The following LMF2 variants were observed in gnomAD, a reference collection of about 807,000 sequenced individuals.
LMF2 encodes the protein transmembrane protein 112B.
Under a neutral mutation model 81.5 loss-of-function variants are expected in LMF2, and 113 were observed. The observed-to-expected ratio is 1.39, with a 90% confidence interval of 1.19 to 1.62. The LOEUF (loss-of-function observed/expected upper bound fraction) is 1.62. Among genes scored for constraint, LMF2 ranks in the 40% most tolerant of loss-of-function variants. LMF2 has a pLI of 0.00. For missense variants in LMF2, 1,235 were observed against 929.1 expected, an observed-to-expected ratio of 1.33 and a Z score of -4.28; for synonymous variants, 645 against 424.5, an observed-to-expected ratio of 1.52 and a Z score of -6.39.
Position 50,503,202 on chromosome 22 carries a change from G to A in LMF2, c.*189C>T. The A allele has an allele frequency of 5.3e-6, 3 of 567,076 alleles. No homozygotes were observed. The highest frequency in any genetic ancestry group is 4.5e-4 in the Middle Eastern group (1 of 2,212). The allele number at this position is 567,076 out of a possible 1,614,324, so 35.1% of individuals were successfully genotyped here. A position where few individuals can be genotyped will look rare whatever the true frequency, so the allele number is the denominator to read the frequency against. On this transcript the variant is annotated 3_prime_UTR_variant, in exon 14 of 14. Transcript: ENST00000474879. ...GCAATAGTGGGAGTCCTGGGGAGGG[G>A]CATGGCTGGCGTGGGGGTGGGGCCT...
Position 50,505,586 on chromosome 22 carries a change from G to C in LMF2, c.917-49C>G, listed in dbSNP as rs560502663. On this transcript the variant is annotated intron_variant, in intron 6 of 13. Coordinates refer to ENST00000474879, the MANE Select transcript of LMF2 (RefSeq NM_033200.3). ...TCAGCAGAGGGTCCCCAGCCAGGGG[G>C]CTGGGGTGCAGCTAGAGTGGGAGTC... 7 of 1,611,722 alleles carry C rather than the reference G, an allele frequency of 4.3e-6. No individual in the cohort carries two copies. The South Asian group carries it at 4.4e-5, about 10-fold the overall frequency.
Position 50,505,083 on chromosome 22 carries a change from T to TAC in LMF2, c.1227_1228insGT (p.Thr410ValfsTer7). ...AGGCTAATCAGGAACAAGGCCACGGTCGCAGTGCCCACAAGGGACAGTTGG... is the reference window on the plus strand; with the variant it reads ...AGGCTAATCAGGAACAAGGCCACGGTACCGCAGTGCCCACAAGGGACAGTTGG... On this transcript the variant is annotated frameshift_variant, in exon 9 of 14. Coordinates refer to ENST00000474879, the MANE Select transcript of LMF2 (RefSeq NM_033200.3). LOFTEE classifies it high-confidence loss of function. 1 of 1,612,910 alleles carries TAC rather than the reference T, an allele frequency of 6.2e-7. No individual in the cohort carries two copies. The highest frequency in any genetic ancestry group is 8.5e-7 in the Non-Finnish European group (1 of 1,179,982).
chr22:50,506,004 CCT>C (rs750945438), intron 5 of LMF2, 29 bp downstream of exon 5: 4 of 1,568,906 alleles, frequency 2.5e-6, no homozygotes, highest in East Asian at 2.3e-5. Flanking sequence ...GCCCTGTCTG[CCT>C]CTCTCTGACA....
rs574707642 is a variant in LMF2 at position 50,506,458 on chromosome 22, G to A, written c.422C>T (p.Ala141Val). 3.2e-6 allele frequency: 5 copies of A among 1,551,516 alleles called. No individual in the cohort carries two copies. Among genetic ancestry groups the A allele is most frequent in the East Asian group, 2.4e-5 (1 of 41,652 alleles). The stretch of plus-strand genomic sequence containing the variant: ...GCGGTGGGAGGCTGGCCTCAGCGGG[G>A]CCACCAGCACGGCCAGGAAGCCAGT... ...LETGFLAVLV[A>V]PLRPASHRKE... is the part of the protein sequence containing the mutation. The change falls in exon 4 of 14, where the codon GCC becomes GTC. Residue 141 changes from alanine (A) to valine (V), a missense_variant. By Grantham distance (64) the Ala-to-Val change is moderately conservative (BLOSUM62 0). Coordinates refer to ENST00000474879, the MANE Select transcript of LMF2 (RefSeq NM_033200.3).
rs757401528 is a variant in LMF2, at chr22:50,503,672, C to A, written c.1843G>T (p.Ala615Ser). Residue 615 changes from alanine to serine, a missense_variant, in exon 14 of 14, where the codon GCC becomes TCC. By Grantham distance (99) the Ala-to-Ser change is moderately conservative. Coordinates refer to ENST00000474879, the MANE Select transcript of LMF2 (RefSeq NM_033200.3). ...QEKSPPRTRS[A>S]NSTLAQALHW... ...AGGGCCTGGGCCAGGGTGCTGTTGG[C>A]GCTGCGGGTGCGAGGTGGGCTTTTC... The A allele has an allele frequency of 7.5e-7, 1 of 1,325,600 alleles. No individual in the cohort carries two copies. The highest frequency in any genetic ancestry group is 4.8e-5 in the East Asian group (1 of 20,830). The allele number at this position is 1,325,600 out of a possible 1,614,324, so 82.1% of individuals were successfully genotyped here.
In LMF2 at chr22:50,504,862, A is replaced by C; in HGVS notation, c.1377T>G (p.Thr459=). Residue 459 remains threonine (T), a synonymous_variant, in exon 10 of 14, where the codon ACT becomes ACG. Coordinates refer to ENST00000474879, the MANE Select transcript of LMF2 (RefSeq NM_033200.3). Reference sequence around the variant, plus strand: ...CCACCTCAGGCCGTCCACCAAGCCCAGTCATGCGGCGGAAGAGGCCGTAGG... The same window carrying C: ...CCACCTCAGGCCGTCCACCAAGCCCCGTCATGCGGCGGAAGAGGCCGTAGG... ...ANSYGLFRRM[T]GLGGRPEVVL... 1.2e-6 allele frequency: 2 copies of C among 1,611,286 alleles called. No individual in the cohort carries two copies. Among genetic ancestry groups the C allele is most frequent in the Non-Finnish European group, 1.7e-6 (2 of 1,179,046 alleles).
Position 50,503,434 on chromosome 22 carries a change from T to C in LMF2, c.2081A>G (p.Asn694Ser), listed in dbSNP as rs1262598476. 2 of 1,608,060 alleles carry C rather than the reference T, an allele frequency of 1.2e-6. No individual in the cohort carries two copies. Among genetic ancestry groups the C allele is most frequent in the Non-Finnish European group, 1.7e-6 (2 of 1,178,422 alleles). Residue 694 changes from asparagine to serine, a missense_variant, in exon 14 of 14, where the codon AAC (asparagine) becomes AGC (serine). Transcript: ENST00000474879. Reference protein sequence around the residue: ...AASEQATAAPNPCSSSSRTTR... With the variant: ...AASEQATAAPSPCSSSSRTTR... ...GGTCCTCGAACTACTGGAGCAGGGG[T>C]TGGGGGCTGCGGTGGCCTGTTCGGA...
chr22:50,503,984 C>T, intron 12 of LMF2, 80 bp from the exon 13 acceptor site: 4 of 1,213,696 alleles, frequency 3.3e-6, no homozygotes, highest in Non-Finnish European at 4.7e-6. Flanking sequence ...CTTACCCCTG[C>T]TCCTCAGCTC....
rs2068504174 is a variant in LMF2, at chr22:50,504,577, G to A, written c.1588C>T (p.Leu530=). Residue 530 remains leucine, a synonymous_variant, in exon 11 of 14, where the codon CTG becomes TTG. Transcript: ENST00000474879. Reference sequence around the variant, plus strand: ...TCCGCACCTGGCTCCTTGCCCTGCAGCAGGCGCAAGACCAGGCTTGTGAAC... The same window carrying A: ...TCCGCACCTGGCTCCTTGCCCTGCAACAGGCGCAAGACCAGGCTTGTGAAC... ...PWFTSLVLRL[L]QGKEPVIRLV... 3 of 1,588,180 alleles carry A rather than the reference G, an allele frequency of 1.9e-6. No homozygotes were observed. Among genetic ancestry groups the A allele is most frequent in the African/African-American group, 1.4e-5 (1 of 73,968 alleles).
intron 1 of LMF2, 173 bp from the exon 2 acceptor site, chr22:50,507,208 A>C: frequency 9.0e-7 from 1 of 1,112,536 alleles, no homozygotes; most frequent in Non-Finnish European, 1.2e-6. Flanking sequence ...ACCTGTCAAA[A>C]CCCCGTCCCA....
At position 50,507,148 on chromosome 22, in the gene LMF2, T is replaced by G. The variant is rs2068607945; in HGVS notation, c.95-113A>C. 23 of 1,444,348 alleles carry G rather than the reference T, an allele frequency of 1.6e-5. No homozygotes were observed. In the South Asian group the frequency reaches 3.2e-4, roughly 20 times the overall value. The allele number at this position is 1,444,348 out of a possible 1,614,324, so 89.5% of individuals were successfully genotyped here. On this transcript the variant is annotated intron_variant, in intron 1 of 13. Transcript: ENST00000474879. ...AGGTCAGAGCATGCGGATACCTCCA[T>G]CCCTAGGTCAGAGTCTGCAGTCCCT...
At chr22:50,504,057 AC>A (rs1463955728) in intron 12 of LMF2, among the ~76,000 whole-genome samples, 153 bp from the exon 13 acceptor site, 4 of 10,952 alleles carry the variant, frequency 3.7e-4, no homozygotes, top group East Asian at 3.3e-3. Context: ...TCCACACCCC[AC>A]CCGGTGCCCG....
chr22:50,505,775 T>C lies in LMF2; in HGVS notation c.815A>G (p.Asn272Ser), dbSNP rs138590459. Residue 272 changes from asparagine (N) to serine (S), a missense_variant, in exon 6 of 14, where the codon AAC (asparagine) becomes AGC (serine). Asn to Ser is a conservative substitution (Grantham distance 46, BLOSUM62 1). Transcript: ENST00000474879. Reference sequence around the variant, plus strand: ...CACCAGCGTCATCAGGTTGAAGAAGTTGTAGTTGCCGGTGATGATAATCAG... The same window carrying C: ...CACCAGCGTCATCAGGTTGAAGAAGCTGTAGTTGCCGGTGATGATAATCAG... The part of the protein sequence containing the change: ...QVLIIITGNY[N>S]FFNLMTLVLT... 24 of 1,613,030 alleles carry C rather than the reference T, an allele frequency of 1.5e-5. No homozygotes were observed. Among genetic ancestry groups the C allele is most frequent in the East Asian group, 1.1e-4 (5 of 44,878 alleles).
In LMF2 at chr22:50,503,224, G is replaced by A. The variant is rs1380122616; in HGVS notation, c.*167C>T. 1 of 638,322 alleles carries A rather than the reference G, an allele frequency of 1.6e-6. No individual in the cohort carries two copies. The highest frequency in any genetic ancestry group is 2.6e-6 in the Non-Finnish European group (1 of 387,298). The allele number at this position is 638,322 out of a possible 1,614,324, so 39.5% of individuals were successfully genotyped here. A position where few individuals can be genotyped will look rare whatever the true frequency, so the allele number is the denominator to read the frequency against. On this transcript the variant is annotated 3_prime_UTR_variant, in exon 14 of 14. Transcript: ENST00000474879. Reference sequence around the variant, plus strand: ...GGGGCATGGCTGGCGTGGGGGTGGGGCCTGGAGCCCTCAATGCAGCACCCT... The same window carrying A: ...GGGGCATGGCTGGCGTGGGGGTGGGACCTGGAGCCCTCAATGCAGCACCCT...
rs1268178626 is a variant in LMF2 at position 50,507,694 on chromosome 22, T to C, written c.-19A>G. 6.5e-7 allele frequency: 1 copy of C among 1,541,198 alleles called. No individual in the cohort carries two copies. ...CCGCCATGTCCGCTACGCGGCCCGC[T>C]AGAGCAGGGCCCGCCCTCCGCGTCC... On this transcript the variant is annotated 5_prime_UTR_variant, in exon 1 of 14. Coordinates refer to ENST00000474879, the MANE Select transcript of LMF2 (RefSeq NM_033200.3).
chr22:50,505,620 G>A (rs2068540681), intron 6 of LMF2, 54 bp downstream of exon 6: 1 of 1,611,214 alleles, frequency 6.2e-7, no homozygotes, highest in East Asian at 2.2e-5. Flanking sequence ...TCCTGTGGGG[G>A]TGTTGGAGGG....
Position 50,504,332 on chromosome 22 carries a change from A to G in LMF2, c.1718+8T>C, listed in dbSNP as rs60021445. ...GGGCTCCACACCCCACCCGGTGCCC[A>G]GCCTTACCCCTGCTCCCCAGGCTGG... On this transcript the variant is annotated splice_region_variant and intron_variant, in intron 12 of 13. Coordinates refer to ENST00000474879, the MANE Select transcript of LMF2 (RefSeq NM_033200.3). 0.17 allele frequency: 225,519 copies of G among 1,359,028 alleles called. 25,784 individuals are homozygous for G. The highest frequency in any genetic ancestry group is 0.23 in the Middle Eastern group (1,062 of 4,548). 84.2% of individuals were successfully genotyped at this position (1,359,028 alleles called of 1,614,324 possible). A position where few individuals can be genotyped will look rare whatever the true frequency, so the allele number is the denominator to read the frequency against.
Position 50,505,663 on chromosome 22 carries a change from G to A in LMF2, c.916+11C>T, listed in dbSNP as rs1390591258. On this transcript the variant is annotated intron_variant, in intron 6 of 13. Coordinates refer to ENST00000474879, the MANE Select transcript of LMF2 (RefSeq NM_033200.3). ...CCTGGGAGGGCAGGGGGCTGGACAA[G>A]TGACACGCACAGGTGGCCGTCTTCT... The A allele has an allele frequency of 1.9e-6, 3 of 1,612,744 alleles. No individual in the cohort carries two copies. Among genetic ancestry groups the A allele is most frequent in the East Asian group, 2.2e-5 (1 of 44,882 alleles).
chr22:50,507,116 C>T (rs2068606884), intron 1 of LMF2, 81 bp from the exon 2 acceptor site: 2 of 1,508,566 alleles, frequency 1.3e-6, no homozygotes, highest in South Asian at 1.3e-5. Flanking sequence ...TGCAGATCCC[C>T]CAGCCTAGGT....
Sources: gnomAD v4.1 joint callset for allele counts (sites outside exome capture counted in the v4.1 genomes callset) on GRCh38, gnomAD v4.1.1 for gene constraint, MANE v1.5 for transcripts, NCBI Gene and HGNC (gene_info 2026-07-23, HGNC 2026-07-21) for gene names.